Variants in SLC6A13 observed in about 807,000 individuals in gnomAD.
SLC6A13 encodes solute carrier family 6 member 13.
Under a neutral mutation model 72.9 loss-of-function variants are expected in SLC6A13, and 69 were observed. The ratio of observed to expected loss-of-function variants is 0.95; its 90% CI spans 0.78 to 1.16. The LOEUF is 1.16. Ranked by LOEUF, SLC6A13 falls within the 50% of genes most tolerant of loss-of-function variation. SLC6A13 has a pLI of 0.00. For synonymous variants in SLC6A13, 303 were observed against 303.0 expected, an observed-to-expected ratio of 1.00 and a Z score of 0.00; for missense variants, 735 against 760.5, an observed-to-expected ratio of 0.97 and a Z score of 0.39.
chr12:249,558 C>G (rs1942467485), intron 2 of SLC6A13, among the ~76,000 whole-genome samples: 2 of 152,048 alleles, frequency 1.3e-5, no homozygotes, highest in South Asian at 2.1e-4. Flanking sequence ...AAAGCCCACT[C>G]AAAAAGAAAC....
intron 2 of SLC6A13, among the ~76,000 whole-genome samples, chr12:255,124 G>C (rs1028677382): frequency 6.6e-6 from 1 of 152,198 alleles, no homozygotes; most frequent in Non-Finnish European, 1.5e-5. Flanking sequence ...TAGCAGTGGA[G>C]GGGATGAGAA....
chr12:244,762 TG>T (rs2137300329), intron 2 of SLC6A13, among the ~76,000 whole-genome samples: 1 of 152,256 alleles, frequency 6.6e-6, no homozygotes, highest in Admixed American at 6.5e-5. Flanking sequence ...CCTTCTGCCA[TG>T]GGCTGACACA....
At chr12:247,093 A>T (rs1177007184) in intron 2 of SLC6A13, among the ~76,000 whole-genome samples, 5 of 151,972 alleles carry the variant, frequency 3.3e-5, no homozygotes, top group Non-Finnish European at 7.4e-5. Context: ...CTAAGTGGTG[A>T]GACAGCTTCA....
intron 7 of SLC6A13, among the ~76,000 whole-genome samples, chr12:234,549 A>G (rs1196382017): frequency 5.9e-5 from 9 of 151,656 alleles, no homozygotes; most frequent in Non-Finnish European, 8.8e-5. Flanking sequence ...ACAGAGTCTC[A>G]CTCTGTTGCC....
Position 220,943 on chromosome 12 carries a change from G to T in SLC6A13, c.*5C>A, listed in dbSNP as rs1488410730. 1.1e-5 allele frequency: 18 copies of T among 1,611,742 alleles called. No homozygotes were observed. The highest frequency in any genetic ancestry group is 2.7e-5 in the African/African-American group (2 of 74,944). On this transcript the variant is annotated 3_prime_UTR_variant, in exon 15 of 15. Transcript: ENST00000343164. The stretch of plus-strand genomic sequence containing the variant: ...GCACACAGGCACCATCCAAGGGCCT[G>T]CCCCCTAGCAGTGAGACTCTAGCTC...
chr12:252,758 C>T (rs1471608613), intron 2 of SLC6A13, among the ~76,000 whole-genome samples: 1 of 152,238 alleles, frequency 6.6e-6, no homozygotes. Flanking sequence ...ATGGGCCCAG[C>T]CCAAGCCCCT....
At chr12:249,819 C>T (rs1330814318) in intron 2 of SLC6A13, among the ~76,000 whole-genome samples, 1 of 152,028 alleles carries the variant, frequency 6.6e-6, no homozygotes, top group East Asian at 1.9e-4. Flanking sequence ...AGTTAAAGAT[C>T]AACATATTTC....
In SLC6A13 at chr12:235,205, G is replaced by A. The variant is rs1013600381; in HGVS notation, c.716C>T (p.Thr239Ile). ...GACCACCAGCATGAGGTAAGGAAAT[G>A]TGGCCGTGAAGTACACCACCTGGTC... ...STGKVVYFTA[T>I]FPYLMLVVLL... is the part of the protein sequence containing the mutation. The change falls in exon 7 of 15, where the codon ACA becomes ATA. Residue 239 changes from threonine to isoleucine, a missense_variant. Coordinates refer to ENST00000343164, the MANE Select transcript of SLC6A13 (RefSeq NM_016615.5). The A allele has an allele frequency of 2.5e-6, 4 of 1,614,100 alleles. No individual in the cohort carries two copies. The African/African-American group carries it at 5.3e-5, about 22-fold the overall frequency.
At position 220,728 on chromosome 12, in the gene SLC6A13, G is replaced by A; in HGVS notation, c.*220C>T. 1.9e-6 allele frequency: 1 copy of A among 530,578 alleles called. No individual in the cohort carries two copies. The highest frequency in any genetic ancestry group is 3.3e-6 in the Non-Finnish European group (1 of 301,474). The allele number at this position is 530,578 out of a possible 1,614,324, so 32.9% of individuals were successfully genotyped here. A position where few individuals can be genotyped will look rare whatever the true frequency, so the allele number is the denominator to read the frequency against. On this transcript the variant is annotated 3_prime_UTR_variant, in exon 15 of 15. Transcript: ENST00000343164. ...CACCCAGCTTCCCAAGGGTCTCAGAGGGACACTCTTGGCACTGGCCTTTCA... is the reference window on the plus strand; with the variant it reads ...CACCCAGCTTCCCAAGGGTCTCAGAAGGACACTCTTGGCACTGGCCTTTCA...
chr12:223,440 CAG>C (rs1274186335), intron 11 of SLC6A13, among the ~76,000 whole-genome samples: 2 of 152,058 alleles, frequency 1.3e-5, no homozygotes, highest in Admixed American at 6.5e-5. Context: ...TTTTTTGGGA[CAG>C]AATATAGATG....
At position 222,540 on chromosome 12, in the gene SLC6A13, C is replaced by A. The variant is rs1308960128; in HGVS notation, c.1507G>T (p.Val503Leu). 6.3e-7 allele frequency: 1 copy of A among 1,599,602 alleles called. No individual in the cohort carries two copies. The highest frequency in any genetic ancestry group is 1.7e-5 in the Admixed American group (1 of 59,468). ...CCCTGAAATGATCTTACTGTGCACACAGCTGGTGTGAGGAAGAGCCAACAG... is the reference window on the plus strand; with the variant it reads ...CCCTGAAATGATCTTACTGTGCACAAAGCTGGTGTGAGGAAGAGCCAACAG... ...KYCWLFLTPA[V>L]CTATFLFSLI... The change falls in exon 13 of 15, where the codon GTG becomes TTG. Residue 503 changes from valine (V) to leucine (L), a missense_variant. Coordinates refer to ENST00000343164, the MANE Select transcript of SLC6A13 (RefSeq NM_016615.5).
intron 7 of SLC6A13, among the ~76,000 whole-genome samples, chr12:234,627 C>G (rs1941852365): frequency 6.6e-6 from 1 of 152,146 alleles, no homozygotes; most frequent in African/African-American, 2.4e-5. Context: ...ATGCCATTCT[C>G]CTGCCTCAGC....
At chr12:262,686 C>T (rs368082174) in intron 1 of SLC6A13, 103 bp downstream of exon 1, 271 of 985,024 alleles carry the variant, frequency 2.8e-4, no homozygotes, top group Admixed American at 5.5e-4. Context: ...ACTTTCTAGG[C>T]GAGGGTAAGA....
rs1376452011 is a variant in SLC6A13, at chr12:223,253, T to C, written c.1312-19A>G. The C allele has an allele frequency of 1.3e-6, 2 of 1,544,424 alleles. No individual in the cohort carries two copies. Among genetic ancestry groups the C allele is most frequent in the Non-Finnish European group, 1.8e-6 (2 of 1,120,030 alleles). On this transcript the variant is annotated intron_variant, in intron 11 of 14. Coordinates refer to ENST00000343164, the MANE Select transcript of SLC6A13 (RefSeq NM_016615.5). ...TTCCGCCCTGCATGGGAGGAGATTA[T>C]TTTAAAAAGAAGTTTATCCAGTGGA... is the stretch of plus-strand genomic sequence containing the variant.
chr12:253,169 C>A (rs1215234319), intron 2 of SLC6A13, among the ~76,000 whole-genome samples: 6 of 152,230 alleles, frequency 3.9e-5, no homozygotes, highest in African/African-American at 1.4e-4. Context: ...GAGACCATAT[C>A]CCCGTCCCAG....
chr12:227,599 C>T lies in SLC6A13; in HGVS notation c.901G>A (p.Gly301Ser). The change falls in exon 8 of 15, where the codon GGC becomes AGC. Residue 301 changes from glycine to serine, a missense_variant. Transcript: ENST00000343164. ...AICLGCLTAL[G>S]SYNKYHNNCY... ...TTGTTGTGGTACTTGTTGTAGCTGC[C>T]CAGGGCTGTCAGGCACCCAAGACAG... 2 of 1,613,976 alleles carry T rather than the reference C, an allele frequency of 1.2e-6. No homozygotes were observed. The highest frequency in any genetic ancestry group is 1.7e-6 in the Non-Finnish European group (2 of 1,179,912).
chr12:260,673 CCT>C (rs60165047), intron 1 of SLC6A13, among the ~76,000 whole-genome samples: 8,733 of 152,196 alleles, frequency 0.057, 787 homozygotes, highest in African/African-American at 0.19. Flanking sequence ...ATCATTAAAA[CCT>C]GTGTTATAGA....
chr12:252,777 T>G (rs1942597600), intron 2 of SLC6A13, among the ~76,000 whole-genome samples: 1 of 152,238 alleles, frequency 6.6e-6, no homozygotes, highest in African/African-American at 2.4e-5. Flanking sequence ...CTTCCCATAT[T>G]CATGCTTCCT....
At chr12:233,708 G>T (rs1423192746) in intron 7 of SLC6A13, among the ~76,000 whole-genome samples, 2 of 152,172 alleles carry the variant, frequency 1.3e-5, no homozygotes, top group Non-Finnish European at 2.9e-5. Context: ...GGACACCCTT[G>T]AGTAAGGACT....
Sources: allele counts gnomAD v4.1 joint callset (sites outside exome capture counted in the v4.1 genomes callset), GRCh38; gene constraint gnomAD v4.1.1; transcripts MANE v1.5; gene names NCBI Gene and HGNC (gene_info 2026-07-23, HGNC 2026-07-21).